Variants in ZNF652 observed in about 807,000 individuals in gnomAD.
The protein encoded by ZNF652 is zinc finger protein 652.
Under a neutral mutation model 45.2 loss-of-function variants are expected in ZNF652, and 16 were observed. The observed-to-expected ratio is 0.35, with a 90% CI of 0.24 to 0.54. The LOEUF (loss-of-function observed/expected upper bound fraction) is 0.54, where lower values mean the gene tolerates loss of function less well. Among genes scored for constraint, ZNF652 ranks in the 20% least tolerant of loss-of-function variants. The probability of loss-of-function intolerance (pLI) is 0.91; values close to 1 mark genes in which losing one functional copy is unlikely to be tolerated. For missense variants in ZNF652, 614 were observed against 765.6 expected (o/e 0.80, Z 2.34); for synonymous variants, 250 against 260.6 (o/e 0.96, Z 0.39).
Position 49,294,892 on chromosome 17 carries a change from C to T in ZNF652, c.*3521G>A, listed in dbSNP as rs1382000729. The T allele has an allele frequency of 6.6e-6, 1 of 152,016 alleles. No homozygotes were observed. The highest frequency in any genetic ancestry group is 1.5e-5 in the Non-Finnish European group (1 of 67,996). 9.4% of individuals were successfully genotyped at this position (152,016 alleles called of 1,614,324 possible). Reference sequence around the variant, plus strand: ...AATTCTTTTTTTCATAAACAGATAACAAGTAGGTAAAAAGTTTTGAAGAAT... The same window carrying T: ...AATTCTTTTTTTCATAAACAGATAATAAGTAGGTAAAAAGTTTTGAAGAAT... On this transcript the variant is annotated 3_prime_UTR_variant, in exon 6 of 6. Transcript: ENST00000430262.
chr17:49,302,696 T>A (rs1201365311), intron 5 of ZNF652, among the ~76,000 whole-genome samples: 1 of 151,834 alleles, frequency 6.6e-6, no homozygotes, highest in African/African-American at 2.4e-5. Flanking sequence ...GTGTGGTGGC[T>A]CATGCCTGTA....
intron 5 of ZNF652, among the ~76,000 whole-genome samples, chr17:49,304,033 C>T (rs774981918): frequency 1.3e-5 from 2 of 150,600 alleles, no homozygotes; most frequent in African/African-American, 2.4e-5. Context: ...GGACTACAGG[C>T]GCCCGCCACC....
At chr17:49,359,152 G>A (rs56010116) in intron 1 of ZNF652, among the ~76,000 whole-genome samples, 34,944 of 152,100 alleles carry the variant, frequency 0.23, 4,130 homozygotes, top group South Asian at 0.32. Flanking sequence ...ATACTACAAA[G>A]TATATACAAA....
At position 49,362,042 on chromosome 17, in the gene ZNF652, T is replaced by G. The variant is rs915802129; in HGVS notation, c.-392A>C. On this transcript the variant is annotated 5_prime_UTR_variant, in exon 1 of 6. Transcript: ENST00000430262. Reference sequence around the variant, plus strand: ...AGCCCCTCCCCCCCTGCCCAACGTCTGTCCTCAGGGCCGCTCCTCAGACCC... The same window carrying G: ...AGCCCCTCCCCCCCTGCCCAACGTCGGTCCTCAGGGCCGCTCCTCAGACCC... 1.2e-4 allele frequency: 18 copies of G among 147,536 alleles called. No individual in the cohort carries two copies. The highest frequency in any genetic ancestry group is 4.2e-4 in the African/African-American group (17 of 40,502). 9.1% of individuals were successfully genotyped at this position (147,536 alleles called of 1,614,324 possible).
At position 49,290,235 on chromosome 17, in the gene ZNF652, G is replaced by C. The variant is rs926373665; in HGVS notation, c.*8178C>G. ...GTGTAAATGCCTCCCGGCTCTACAG[G>C]GGGTAATATTTACTGTCGTCTTTTC... On this transcript the variant is annotated 3_prime_UTR_variant, in exon 6 of 6. Coordinates refer to ENST00000430262, the MANE Select transcript of ZNF652 (RefSeq NM_001145365.3). The C allele has an allele frequency of 5.3e-5, 8 of 152,182 alleles. No homozygotes were observed. Among genetic ancestry groups the C allele is most frequent in the African/African-American group, 1.7e-4 (7 of 41,416 alleles). 9.4% of individuals were successfully genotyped at this position (152,182 alleles called of 1,614,324 possible).
intron 1 of ZNF652, among the ~76,000 whole-genome samples, chr17:49,350,318 C>G (rs543486841): frequency 6.6e-6 from 1 of 152,150 alleles, no homozygotes; most frequent in Admixed American, 6.5e-5. Context: ...GCGGGCAGAT[C>G]ACCTGAGATC....
At chr17:49,355,448 G>A (rs752525140) in intron 1 of ZNF652, among the ~76,000 whole-genome samples, 6 of 151,898 alleles carry the variant, frequency 4.0e-5, no homozygotes, top group African/African-American at 7.3e-5. Flanking sequence ...ATGGTGGTGC[G>A]CACCTGCAGT....
chr17:49,325,006 G>A (rs1242836649), intron 1 of ZNF652, among the ~76,000 whole-genome samples: 1 of 151,972 alleles, frequency 6.6e-6, no homozygotes, highest in Non-Finnish European at 1.5e-5. Context: ...CTCCCAAAGT[G>A]CTGGGATTAC....
In ZNF652 at chr17:49,296,829, A is replaced by G. The variant is rs1010238220; in HGVS notation, c.*1584T>C. The G allele has an allele frequency of 6.6e-6, 1 of 152,220 alleles. No homozygotes were observed. The highest frequency in any genetic ancestry group is 6.5e-5 in the Admixed American group (1 of 15,280). 9.4% of individuals were successfully genotyped at this position (152,220 alleles called of 1,614,324 possible). On this transcript the variant is annotated 3_prime_UTR_variant, in exon 6 of 6. Transcript: ENST00000430262. Reference sequence around the variant, plus strand: ...ATAAAGAAATACAAAATTTTAAGCTATACTGAGTCTGGATAAATATGATCT... The same window carrying G: ...ATAAAGAAATACAAAATTTTAAGCTGTACTGAGTCTGGATAAATATGATCT...
At chr17:49,309,479 GTC>G (rs2069679123) in intron 5 of ZNF652, among the ~76,000 whole-genome samples, 1 of 150,420 alleles carries the variant, frequency 6.6e-6, no homozygotes, top group Non-Finnish European at 1.5e-5. Flanking sequence ...ACTGCACTCA[GTC>G]TGGGTGACGG....
chr17:49,328,425 T>C (rs143548374), intron 1 of ZNF652, among the ~76,000 whole-genome samples: 182 of 152,258 alleles, frequency 1.2e-3, no homozygotes, highest in African/African-American at 4.2e-3. Context: ...GTTTGGATGT[T>C]TTGTCCTCTC....
chr17:49,313,405 C>T (rs1424801224), intron 2 of ZNF652, among the ~76,000 whole-genome samples: 1 of 152,074 alleles, frequency 6.6e-6, no homozygotes, highest in African/African-American at 2.4e-5. Context: ...GATCCACCCG[C>T]CTCAGCCTCC....
chr17:49,340,361 GCCTGGCCA>G (rs1349774518), intron 1 of ZNF652, among the ~76,000 whole-genome samples: 1 of 151,962 alleles, frequency 6.6e-6, no homozygotes, highest in African/African-American at 2.4e-5. Context: ...TTTGAGACCA[GCCTGGCCA>G]ACATGGCGAA....
intron 1 of ZNF652, among the ~76,000 whole-genome samples, chr17:49,350,960 ACT>A (rs2143094305): frequency 8.6e-6 from 1 of 116,886 alleles, no homozygotes; most frequent in East Asian, 2.6e-4. Context: ...ACAGAGCAAG[ACT>A]CTGTCTACAT....
At chr17:49,340,713 C>G (rs956088138) in intron 1 of ZNF652, among the ~76,000 whole-genome samples, 1 of 151,982 alleles carries the variant, frequency 6.6e-6, no homozygotes, top group Non-Finnish European at 1.5e-5. Flanking sequence ...CTCAGGAGTT[C>G]AGCCTGAGAA....
intron 1 of ZNF652, among the ~76,000 whole-genome samples, chr17:49,343,964 C>T (rs1186097351): frequency 1.3e-5 from 2 of 151,920 alleles, no homozygotes; most frequent in South Asian, 2.1e-4. Context: ...TTTGGGAGGC[C>T]GAGGCGGGTG....
chr17:49,352,985 G>C (rs2070298330), intron 1 of ZNF652, among the ~76,000 whole-genome samples: 1 of 152,170 alleles, frequency 6.6e-6, no homozygotes, highest in South Asian at 2.1e-4. Context: ...TGAGTGCAAT[G>C]GGACAGTGGG....
intron 1 of ZNF652, among the ~76,000 whole-genome samples, chr17:49,327,722 AATAAATAAATATATATATATATATAT>A (rs2069970440): frequency 1.3e-5 from 1 of 79,442 alleles, no homozygotes; most frequent in South Asian, 6.2e-4. Context: ...TCTACTTTTA[AATAAATAAATATATATATATATATAT>A]ATATATATAT....
At position 49,317,822 on chromosome 17, in the gene ZNF652, G is replaced by C. The variant is rs575342819; in HGVS notation, c.-97C>G. 6 of 1,246,870 alleles carry C rather than the reference G, an allele frequency of 4.8e-6. No homozygotes were observed. Among genetic ancestry groups the C allele is most frequent in the African/African-American group, 1.5e-5 (1 of 65,982 alleles). The allele number at this position is 1,246,870 out of a possible 1,614,324, so 77.2% of individuals were successfully genotyped here. A position where few individuals can be genotyped will look rare whatever the true frequency, so the allele number is the denominator to read the frequency against. On this transcript the variant is annotated 5_prime_UTR_variant, in exon 2 of 6. Transcript: ENST00000430262. Reference sequence around the variant, plus strand: ...ACTCAAATCTTTTCTCATCCACAAAGAATCACTCAAATGAAAAAAAGATAT... The same window carrying C: ...ACTCAAATCTTTTCTCATCCACAAACAATCACTCAAATGAAAAAAAGATAT...
Sources: allele counts gnomAD v4.1 joint callset (sites outside exome capture counted in the v4.1 genomes callset), GRCh38; gene constraint gnomAD v4.1.1; transcripts MANE v1.5; gene names NCBI Gene and HGNC (gene_info 2026-07-23, HGNC 2026-07-21).